Variants in VAV3 observed in about 807,000 individuals in gnomAD.
VAV3 encodes the protein vav guanine nucleotide exchange factor 3, also known as guanine nucleotide exchange factor VAV3.
In VAV3, 94 loss-of-function variants were observed where a neutral mutation model predicts 131.2. The ratio of observed to expected loss-of-function variants is 0.72; its 90% CI spans 0.61 to 0.85. The LOEUF is 0.85. Ranked by LOEUF, VAV3 falls within the 40% of genes least tolerant of loss-of-function variation. The pLI is 0.00. For missense variants in VAV3, 939 were observed against 1,002.7 expected (o/e 0.94, Z 0.86); for synonymous variants, 349 against 342.0 (o/e 1.02, Z -0.22).
intron 20 of VAV3, among the ~76,000 whole-genome samples, chr1:107,632,358 A>G (rs1337807501): frequency 2.6e-5 from 4 of 152,156 alleles, no homozygotes; most frequent in Non-Finnish European, 5.9e-5. Context: ...TCAGGGTGGT[A>G]AGCACTGCTC....
intron 2 of VAV3, among the ~76,000 whole-genome samples, chr1:107,805,982 T>G (rs1667042182): frequency 6.6e-6 from 1 of 152,098 alleles, no homozygotes. Flanking sequence ...GCTCAGGGTT[T>G]GTGCCCAGGA....
At chr1:107,658,919 G>A (rs1224227165) in intron 19 of VAV3, among the ~76,000 whole-genome samples, 3 of 151,752 alleles carry the variant, frequency 2.0e-5, no homozygotes, top group Admixed American at 2.0e-4. Flanking sequence ...CTCTGATGGT[G>A]GTTTCTTTTG....
intron 9 of VAV3, among the ~76,000 whole-genome samples, chr1:107,762,964 C>T (rs1368123983): frequency 6.6e-6 from 1 of 152,168 alleles, no homozygotes; most frequent in East Asian, 1.9e-4. Flanking sequence ...TAAAGAGATT[C>T]ATCGCCCTTC....
At chr1:107,708,106 A>G (rs1660560956) in intron 15 of VAV3, among the ~76,000 whole-genome samples, 1 of 152,224 alleles carries the variant, frequency 6.6e-6, no homozygotes, top group Non-Finnish European at 1.5e-5. Flanking sequence ...CTTCAGCTGG[A>G]GTCAAATGAG....
chr1:107,669,221 T>G (rs1485757608), intron 19 of VAV3: 1 of 1,175,876 alleles, frequency 8.5e-7, no homozygotes, highest in African/African-American at 1.6e-5. Flanking sequence ...TACTTTGAAT[T>G]AAAACATGAA....
chr1:107,632,214 A>G (rs1485354342), intron 20 of VAV3, among the ~76,000 whole-genome samples: 4 of 152,166 alleles, frequency 2.6e-5, no homozygotes, highest in Non-Finnish European at 4.4e-5. Flanking sequence ...AATCAAATCA[A>G]TGGCTCACAT....
At chr1:107,841,210 G>C (rs1557876440) in intron 2 of VAV3, among the ~76,000 whole-genome samples, 2 of 152,032 alleles carry the variant, frequency 1.3e-5, no homozygotes, top group African/African-American at 2.4e-5. Context: ...TACTGTTCTA[G>C]GATATGGTAA....
At chr1:107,616,888 A>G (rs893085865) in intron 21 of VAV3, among the ~76,000 whole-genome samples, 1 of 152,116 alleles carries the variant, frequency 6.6e-6, no homozygotes, top group African/African-American at 2.4e-5. Context: ...GGAGTCAATA[A>G]ATTAAAAAGT....
chr1:107,798,324 C>T (rs1379941996), intron 2 of VAV3, among the ~76,000 whole-genome samples: 1 of 152,178 alleles, frequency 6.6e-6, no homozygotes, highest in Non-Finnish European at 1.5e-5. Flanking sequence ...GGTGTTCTCA[C>T]ACCTGACCAC....
chr1:107,760,092 G>C (rs1175267826), intron 10 of VAV3, among the ~76,000 whole-genome samples: 1 of 152,120 alleles, frequency 6.6e-6, no homozygotes, highest in Non-Finnish European at 1.5e-5. Context: ...GATATACAAA[G>C]CACAGCCGAC....
Position 107,755,517 on chromosome 1 carries a change from G to C in VAV3, c.1087-4C>G. On this transcript the variant is annotated splice_region_variant and splice_polypyrimidine_tract_variant and intron_variant, in intron 11 of 26. Coordinates refer to ENST00000370056, the MANE Select transcript of VAV3 (RefSeq NM_006113.5). ...CATTCACATATTGTGCCAAGTCCTA[G>C]ACAATAAAGAAAAGGGTAGAAAAAG... 4 of 1,607,364 alleles carry C rather than the reference G, an allele frequency of 2.5e-6. No homozygotes were observed. Among genetic ancestry groups the C allele is most frequent in the Non-Finnish European group, 3.4e-6 (4 of 1,175,430 alleles).
intron 25 of VAV3, among the ~76,000 whole-genome samples, chr1:107,586,026 G>A (rs930463872): frequency 1.3e-5 from 2 of 152,020 alleles, no homozygotes; most frequent in African/African-American, 4.8e-5. Context: ...TTTCTGCTAC[G>A]CTACCAGAAA....
At chr1:107,887,444 GA>G (rs1435510452) in intron 1 of VAV3, among the ~76,000 whole-genome samples, 1 of 152,146 alleles carries the variant, frequency 6.6e-6, no homozygotes, top group Admixed American at 6.5e-5. Context: ...CTTTGGGATA[GA>G]AATCTGCCCA....
chr1:107,931,737 C>T (rs996228136), intron 1 of VAV3, among the ~76,000 whole-genome samples: 3 of 152,124 alleles, frequency 2.0e-5, no homozygotes, highest in Non-Finnish European at 4.4e-5. Context: ...AATTACACAG[C>T]CATTATTAAC....
At chr1:107,807,935 G>A (rs1278775124) in intron 2 of VAV3, among the ~76,000 whole-genome samples, 1 of 152,134 alleles carries the variant, frequency 6.6e-6, no homozygotes. Flanking sequence ...TTACAAATAA[G>A]TAGCAAGTAT....
At chr1:107,948,236 A>C (rs1020105687) in intron 1 of VAV3, among the ~76,000 whole-genome samples, 3 of 152,206 alleles carry the variant, frequency 2.0e-5, no homozygotes, top group Non-Finnish European at 4.4e-5. Flanking sequence ...CATCCAAAAA[A>C]TGAAAAACAT....
chr1:107,679,126 A>G (rs1165704792), intron 19 of VAV3, among the ~76,000 whole-genome samples: 1 of 152,196 alleles, frequency 6.6e-6, no homozygotes, highest in East Asian at 1.9e-4. Context: ...TTCTTCATAC[A>G]ATAACAAATG....
At position 107,586,057 on chromosome 1, in the gene VAV3, T is replaced by C. The variant is rs542724350; in HGVS notation, c.2350+10155A>G. On this transcript the variant is annotated intron_variant, in intron 25 of 26. Coordinates refer to ENST00000370056, the MANE Select transcript of VAV3 (RefSeq NM_006113.5). ...AGAAAGAGGGAAAATGAGACTATAGTTTTGTTTTTCATCACCCAACCAGCC... is the reference window on the plus strand; with the variant it reads ...AGAAAGAGGGAAAATGAGACTATAGCTTTGTTTTTCATCACCCAACCAGCC... 5.3e-5 allele frequency among the ~76,000 whole-genome samples: 8 copies of C among 151,944 alleles called. No individual in the cohort carries two copies. In the South Asian group the frequency reaches 8.3e-4, roughly 16 times the overall value.
intron 2 of VAV3, among the ~76,000 whole-genome samples, chr1:107,806,402 T>C (rs548490665): frequency 4.0e-5 from 6 of 150,096 alleles, no homozygotes; most frequent in African/African-American, 1.5e-4. Context: ...CTCATCCTCA[T>C]ACTGAGTTCT....
Sources: allele counts gnomAD v4.1 joint callset (sites outside exome capture counted in the v4.1 genomes callset), GRCh38; gene constraint gnomAD v4.1.1; transcripts MANE v1.5; gene names NCBI Gene and HGNC (gene_info 2026-07-23, HGNC 2026-07-21).